The following CCDC148 variants were observed in gnomAD, a reference collection of about 807,000 sequenced individuals.
CCDC148 encodes coiled-coil domain containing 148.
Under a neutral mutation model 85.7 loss-of-function variants are expected in CCDC148, and 89 were observed. The observed-to-expected ratio is 1.04, with a 90% CI of 0.87 to 1.24. The LOEUF (loss-of-function observed/expected upper bound fraction) is 1.24, where lower values mean the gene tolerates loss of function less well. Ranked by LOEUF, CCDC148 falls within the 50% of genes most tolerant of loss-of-function variation. CCDC148 has a pLI of 0.00. For synonymous variants in CCDC148, 230 were observed against 213.9 expected, an observed-to-expected ratio of 1.08 and a Z score of -0.66; for missense variants, 692 against 671.7, an observed-to-expected ratio of 1.03 and a Z score of -0.33.
chr2:158,332,105 T>G (rs963567147), intron 7 of CCDC148, among the ~76,000 whole-genome samples: 16 of 152,116 alleles, frequency 1.1e-4, no homozygotes. Flanking sequence ...CTAGCCTTGA[T>G]GGTCTTTACA....
chr2:158,302,600 A>G (rs1021038599), intron 9 of CCDC148, among the ~76,000 whole-genome samples: 4 of 152,126 alleles, frequency 2.6e-5, no homozygotes, highest in African/African-American at 9.7e-5. Flanking sequence ...CCTGGCCAAC[A>G]TGGTGAAACG....
chr2:158,262,928 C>A (rs1342499756), intron 9 of CCDC148, among the ~76,000 whole-genome samples: 1 of 152,062 alleles, frequency 6.6e-6, no homozygotes, highest in Non-Finnish European at 1.5e-5. Flanking sequence ...ATATACTTGT[C>A]TAGTATCTAA....
At chr2:158,271,565 C>T (rs1172515671) in intron 9 of CCDC148, among the ~76,000 whole-genome samples, 1 of 152,088 alleles carries the variant, frequency 6.6e-6, no homozygotes, top group Non-Finnish European at 1.5e-5. Context: ...GAAAGGTGAG[C>T]ACAGTACAGT....
intron 1 of CCDC148, among the ~76,000 whole-genome samples, chr2:158,387,286 C>T (rs1316944946): frequency 3.2e-5 from 2 of 62,794 alleles, no homozygotes; most frequent in African/African-American, 9.9e-5. Context: ...ACATTTATAT[C>T]ATTATCTATA....
At chr2:158,274,257 T>C (rs1574519767) in intron 9 of CCDC148, among the ~76,000 whole-genome samples, 1 of 152,190 alleles carries the variant, frequency 6.6e-6, no homozygotes. Flanking sequence ...GAATCGGCAG[T>C]TTAAAGAGAT....
intron 2 of CCDC148, among the ~76,000 whole-genome samples, chr2:158,352,638 T>C (rs894851238): frequency 1.3e-5 from 2 of 152,162 alleles, no homozygotes; most frequent in Admixed American, 6.5e-5. Context: ...TGGAACCAAG[T>C]TGGAAAACAG....
intron 11 of CCDC148, among the ~76,000 whole-genome samples, chr2:158,191,473 T>C (rs936304133): frequency 5.9e-5 from 9 of 152,014 alleles, no homozygotes; most frequent in African/African-American, 2.2e-4. Context: ...AGCAGAACAG[T>C]TATTTTCACA....
At chr2:158,312,195 A>C (rs1293534787) in intron 8 of CCDC148, among the ~76,000 whole-genome samples, 1 of 152,214 alleles carries the variant, frequency 6.6e-6, no homozygotes, top group East Asian at 1.9e-4. Context: ...GTCTCACTTA[A>C]ACTAAGTATC....
chr2:158,436,896 C>G lies in CCDC148; in HGVS notation c.25+19519G>C, dbSNP rs529788423. Among the ~76,000 whole-genome samples, 32 of 152,208 alleles carry G rather than the reference C, an allele frequency of 2.1e-4. 1 individual carries two copies. Among genetic ancestry groups the G allele is most frequent in the African/African-American group, 7.2e-5 (3 of 41,530 alleles). On this transcript the variant is annotated intron_variant, in intron 1 of 13. Coordinates refer to ENST00000283233, the MANE Select transcript of CCDC148 (RefSeq NM_138803.4). Reference sequence around the variant, plus strand: ...ATCTAGAAGAAATGGATAAATTCCTCGACACATACACCCTCTCAAGACTAA... The same window carrying G: ...ATCTAGAAGAAATGGATAAATTCCTGGACACATACACCCTCTCAAGACTAA...
chr2:158,350,120 C>T (rs1007112327), intron 2 of CCDC148, among the ~76,000 whole-genome samples: 2 of 152,044 alleles, frequency 1.3e-5, no homozygotes, highest in African/African-American at 4.8e-5. Context: ...TCTGTTTAAC[C>T]GCACAAATAT....
intron 1 of CCDC148, among the ~76,000 whole-genome samples, chr2:158,375,494 A>C (rs1325186318): frequency 3.9e-5 from 6 of 152,132 alleles, no homozygotes; most frequent in Admixed American, 3.9e-4. Context: ...TTCAACAATT[A>C]AATGGTATTT....
intron 7 of CCDC148, among the ~76,000 whole-genome samples, chr2:158,329,639 A>G (rs548261644): frequency 1.3e-5 from 2 of 152,028 alleles, no homozygotes; most frequent in Non-Finnish European, 2.9e-5. Context: ...TTCCTACCCA[A>G]GAGCATGGAA....
In CCDC148 at chr2:158,433,996, C is replaced by T. The variant is rs551217018; in HGVS notation, c.25+22419G>A. Among the ~76,000 whole-genome samples the T allele has an allele frequency of 7.2e-5, 11 of 152,342 alleles. No individual in the cohort carries two copies. The East Asian group carries it at 7.7e-4, about 11-fold the overall frequency. ...AAAGCTCCAATTGGGTGAAGCCCAC[C>T]GCAGATCAAGGAGGCCTGCCTGCCT... On this transcript the variant is annotated intron_variant, in intron 1 of 13. Transcript: ENST00000283233.
intron 2 of CCDC148, among the ~76,000 whole-genome samples, chr2:158,354,792 C>G (rs1243280289): frequency 6.6e-6 from 1 of 150,642 alleles, no homozygotes; most frequent in Non-Finnish European, 1.5e-5. Context: ...GAATTTTAGA[C>G]CAATATCCTT....
chr2:158,402,834 A>C (rs1231547492), intron 1 of CCDC148, among the ~76,000 whole-genome samples: 1 of 152,070 alleles, frequency 6.6e-6, no homozygotes, highest in Non-Finnish European at 1.5e-5. Flanking sequence ...TAGAAAGTAA[A>C]GTGTACTATT....
In CCDC148 at chr2:158,456,470, C is replaced by CTTT; in HGVS notation, c.-32_-31insAAA. On this transcript the variant is annotated 5_prime_UTR_variant, in exon 1 of 14. Coordinates refer to ENST00000283233, the MANE Select transcript of CCDC148 (RefSeq NM_138803.4). The stretch of plus-strand genomic sequence containing the variant: ...AGGTCAAAGGGCATAGCCTCAGGGA[C>CTTT]TCCCCAAACGCAGGAAAAGTGAAAC... The CTTT allele has an allele frequency of 1.2e-6, 2 of 1,606,150 alleles. No individual in the cohort carries two copies. Among genetic ancestry groups the CTTT allele is most frequent in the South Asian group, 2.2e-5 (2 of 89,176 alleles).
intron 10 of CCDC148, among the ~76,000 whole-genome samples, chr2:158,228,582 G>A (rs1687680086): frequency 6.6e-6 from 1 of 152,096 alleles, no homozygotes; most frequent in African/African-American, 2.4e-5. Context: ...TGATAGACTG[G>A]ATTAAGATAA....
intron 9 of CCDC148, among the ~76,000 whole-genome samples, chr2:158,303,501 A>G (rs1691543724): frequency 6.6e-6 from 1 of 152,216 alleles, no homozygotes; most frequent in Non-Finnish European, 1.5e-5. Context: ...AAAAAAAATT[A>G]TAAGCATATT....
chr2:158,369,064 C>T (rs1035873209), intron 1 of CCDC148, among the ~76,000 whole-genome samples: 2 of 151,998 alleles, frequency 1.3e-5, no homozygotes, highest in African/African-American at 4.8e-5. Context: ...CACCCCATGA[C>T]GGTGAGTCTT....
Sources: gnomAD v4.1 joint callset for allele counts (sites outside exome capture counted in the v4.1 genomes callset) on GRCh38, gnomAD v4.1.1 for gene constraint, MANE v1.5 for transcripts, NCBI Gene and HGNC (gene_info 2026-07-23, HGNC 2026-07-21) for gene names.